Variants in BCLAF3 observed in about 807,000 individuals in gnomAD.
BCLAF3 encodes BCLAF1 and THRAP3 family member 3.
A neutral mutation model predicts 51.2 loss-of-function variants in BCLAF3; 24 were observed. The ratio of observed to expected loss-of-function variants is 0.47; its 90% CI spans 0.34 to 0.66. The LOEUF is 0.66. Among genes scored for constraint, BCLAF3 ranks in the 30% least tolerant of loss-of-function variants. BCLAF3 has a pLI of 0.01. For synonymous variants in BCLAF3, 152 were observed against 176.6 expected, an observed-to-expected ratio of 0.86 and a Z score of 1.10; for missense variants, 465 against 525.1, an observed-to-expected ratio of 0.89 and a Z score of 1.12.
intron 1 of BCLAF3, among the ~76,000 whole-genome samples, chrX:19,972,497 T>C (rs922730361): frequency 3.6e-5 from 4 of 112,433 alleles, no homozygotes; most frequent in Non-Finnish European, 3.8e-5. Context: ...AACATATTTA[T>C]TGATATTGAA....
intron 11 of BCLAF3, among the ~76,000 whole-genome samples, chrX:19,927,609 T>C (rs2070400168): frequency 9.0e-6 from 1 of 111,267 alleles, no homozygotes; most frequent in African/African-American, 3.3e-5. Flanking sequence ...AGCCTACGAA[T>C]TGACAAACAT....
chrX:19,958,950 A>T (rs759717403), intron 4 of BCLAF3, among the ~76,000 whole-genome samples: 2 of 112,392 alleles, frequency 1.8e-5, no homozygotes, highest in South Asian at 7.3e-4. Context: ...CACCAGCCCC[A>T]ACATGCATTC....
At position 19,921,595 on chromosome X, in the gene BCLAF3, C is replaced by T. The variant is rs146890443; in HGVS notation, c.2107-4261G>A. Among the ~76,000 whole-genome samples the T allele has an allele frequency of 4.7e-3, 519 of 109,706 alleles. 2 individuals are homozygous for T. The highest frequency in any genetic ancestry group is 0.016 in the African/African-American group (495 of 30,037). ...GCGCATGCCTGTAGTCCCAGCTACT[C>T]GGGAGGCTGAGATAGGAGGATCGCT... is the stretch of plus-strand genomic sequence containing the variant. On this transcript the variant is annotated intron_variant, in intron 11 of 11. Transcript: ENST00000379682.
intron 1 of BCLAF3, among the ~76,000 whole-genome samples, chrX:19,971,586 G>A (rs773651666): frequency 2.5e-4 from 28 of 111,896 alleles, no homozygotes; most frequent in East Asian, 1.4e-3. Flanking sequence ...TGATAGCTTC[G>A]GAAACTGAAT....
At chrX:19,919,925 T>C (rs760515256) in intron 11 of BCLAF3, among the ~76,000 whole-genome samples, 11 of 110,661 alleles carry the variant, frequency 9.9e-5, no homozygotes, top group African/African-American at 3.3e-4. Context: ...CTGCTGTCCT[T>C]GGAAAGGCCT....
At chrX:19,956,546 C>T (rs960961975) in intron 4 of BCLAF3, among the ~76,000 whole-genome samples, 14 of 111,775 alleles carry the variant, frequency 1.3e-4, no homozygotes, top group African/African-American at 3.3e-4. Flanking sequence ...GCTGCACTTG[C>T]TTAAAACTAC....
rs747292437 is a variant in BCLAF3, at chrX:19,914,564, T to C, written c.*2741A>G. The stretch of plus-strand genomic sequence containing the variant: ...ATTAGGTAAAATGTGGTACATAGTA[T>C]ACATCTACATAAATTGTTACACATA... On this transcript the variant is annotated 3_prime_UTR_variant, in exon 12 of 12. Coordinates refer to ENST00000379682, the MANE Select transcript of BCLAF3 (RefSeq NM_001367774.2). The C allele has an allele frequency of 1.8e-5, 2 of 111,140 alleles. No individual in the cohort carries two copies. The highest frequency in any genetic ancestry group is 1.9e-5 in the Non-Finnish European group (1 of 53,075). The allele number at this position is 111,140 out of a possible 1,213,427, so 9.2% of individuals were successfully genotyped here. A position where few individuals can be genotyped will look rare whatever the true frequency, so the allele number is the denominator to read the frequency against.
intron 4 of BCLAF3, among the ~76,000 whole-genome samples, chrX:19,962,584 G>A (rs1477605426): frequency 1.8e-5 from 2 of 111,966 alleles, no homozygotes; most frequent in African/African-American, 6.5e-5. Context: ...AAATGTATAA[G>A]GTATCTAAAT....
chrX:19,928,949 T>C (rs2070451284), intron 11 of BCLAF3: 1 of 111,554 alleles, frequency 9.0e-6, no homozygotes, highest in Non-Finnish European at 1.9e-5. Context: ...GGTCAAAGCA[T>C]CAACACAAAA....
In BCLAF3 at chrX:19,965,354, ACTCT is replaced by A; in HGVS notation, c.960_963del (p.Arg320SerfsTer2). On this transcript the variant is annotated frameshift_variant, in exon 4 of 12. Coordinates refer to ENST00000379682, the MANE Select transcript of BCLAF3 (RefSeq NM_001367774.2). LOFTEE classifies it high-confidence loss of function. ...CCTCTTCCAGTATTAAAACAATCTAACTCTCTATTTAGAGGGCCTTTTTGAAAAC... is the reference window on the plus strand; with the variant it reads ...CCTCTTCCAGTATTAAAACAATCTAACTATTTAGAGGGCCTTTTTGAAAAC... 1 of 1,210,879 alleles carries A rather than the reference ACTCT, an allele frequency of 8.3e-7. No homozygotes were observed. The highest frequency in any genetic ancestry group is 1.8e-5 in the South Asian group (1 of 56,958).
At position 19,937,497 on chromosome X, in the gene BCLAF3, T is replaced by C. The variant is rs755160093; in HGVS notation, c.1781A>G (p.Asn594Ser). 3.0e-4 allele frequency: 344 copies of C among 1,153,654 alleles called. No homozygotes were observed. The highest frequency in any genetic ancestry group is 3.9e-4 in the Non-Finnish European group (337 of 856,365). Residue 594 changes from asparagine (N) to serine (S), a missense_variant, in exon 9 of 12, where the codon AAT (asparagine) becomes AGT (serine). Asn to Ser is a conservative substitution (Grantham distance 46, BLOSUM62 1). Transcript: ENST00000379682. Reference protein sequence around the residue: ...DQNSSFSKVKNVHTDGFQKPT... With the variant: ...DQNSSFSKVKSVHTDGFQKPT... ...TTTTTGGAATCCATCAGTATGAACA[T>C]TCTTTACCTTTGAAAAACTGGAATT...
rs190674451 is a variant in BCLAF3, at chrX:19,924,068, G to A, written c.2106+5717C>T. Among the ~76,000 whole-genome samples the A allele has an allele frequency of 1.5e-4, 17 of 110,452 alleles. 2 individuals are homozygous for A. In the Admixed American group the frequency reaches 1.6e-3, roughly 10 times the overall value. On this transcript the variant is annotated intron_variant, in intron 11 of 11. Transcript: ENST00000379682. The stretch of plus-strand genomic sequence containing the variant: ...GCCTGCCTCGGCCTCCCAAAGCGCT[G>A]GGATTACAGGCGTGAGCCACCGCAC...
intron 2 of BCLAF3, among the ~76,000 whole-genome samples, chrX:19,969,816 T>C (rs1362981991): frequency 8.0e-5 from 9 of 112,147 alleles, no homozygotes; most frequent in Non-Finnish European, 1.7e-4. Flanking sequence ...AAATGGACTA[T>C]AATCGAACTA....
intron 1 of BCLAF3, among the ~76,000 whole-genome samples, chrX:19,980,194 A>G (rs2072565241): frequency 8.9e-6 from 1 of 112,040 alleles, no homozygotes; most frequent in South Asian, 3.6e-4. Flanking sequence ...GTAAGTCTGA[A>G]ATATAGCCTA....
intron 1 of BCLAF3, among the ~76,000 whole-genome samples, chrX:19,987,553 C>T (rs1200626061): frequency 8.9e-6 from 1 of 112,374 alleles, no homozygotes; most frequent in African/African-American, 3.2e-5. Context: ...GATCCGTCCA[C>T]CTTGGCTTCC....
intron 2 of BCLAF3, 126 bp from the exon 3 acceptor site, chrX:19,966,775 A>AT: frequency 1.9e-6 from 1 of 530,426 alleles, no homozygotes; most frequent in Admixed American, 3.8e-5. Flanking sequence ...AAATTCATCA[A>AT]TTTGCTACAT....
At chrX:19,983,986 C>T (rs752348587) in intron 1 of BCLAF3, among the ~76,000 whole-genome samples, 2 of 104,606 alleles carry the variant, frequency 1.9e-5, no homozygotes, top group African/African-American at 7.0e-5. Context: ...GCAGGAGAAT[C>T]GCTTGAACCC....
chrX:19,982,713 C>T (rs886385958), intron 1 of BCLAF3, among the ~76,000 whole-genome samples: 3 of 110,603 alleles, frequency 2.7e-5, no homozygotes, highest in Non-Finnish European at 5.7e-5. Context: ...CACACACACC[C>T]TAATTTTTGT....
chrX:19,968,444 T>C (rs1002381971), intron 2 of BCLAF3, among the ~76,000 whole-genome samples: 1 of 112,921 alleles, frequency 8.9e-6, no homozygotes, highest in African/African-American at 3.2e-5. Flanking sequence ...GATGGGTTTA[T>C]CTGCAGCCCC....
Sources: gnomAD v4.1 joint callset for allele counts (sites outside exome capture counted in the v4.1 genomes callset) on GRCh38, gnomAD v4.1.1 for gene constraint, MANE v1.5 for transcripts, NCBI Gene and HGNC (gene_info 2026-07-23, HGNC 2026-07-21) for gene names.